The following INTS4 variants were observed in gnomAD, a reference collection of about 807,000 sequenced individuals.
INTS4 encodes the protein MSTP093.
In INTS4, 70 loss-of-function variants were observed where a neutral mutation model predicts 119.5. That is an observed-to-expected ratio of 0.59 (90% CI 0.48 to 0.71). INTS4 has a LOEUF of 0.71. INTS4 is among the 30% of genes least tolerant of loss of function. The pLI is 0.00. For missense variants in INTS4, 867 were observed against 1,173.2 expected (o/e 0.74, Z 3.81); for synonymous variants, 316 against 419.6 (o/e 0.75, Z 3.02).
chr11:77,920,558 A>C (rs1201889459), intron 14 of INTS4, among the ~76,000 whole-genome samples: 1 of 152,084 alleles, frequency 6.6e-6, no homozygotes, highest in Non-Finnish European at 1.5e-5. Context: ...AATAGTTAAA[A>C]TATAACAATT....
At chr11:77,956,504 C>T (rs1350394235) in intron 7 of INTS4, among the ~76,000 whole-genome samples, 8 of 152,054 alleles carry the variant, frequency 5.3e-5, no homozygotes, top group East Asian at 3.9e-4. Context: ...GTCAAGAGTT[C>T]GAGACCAGCC....
Position 77,894,338 on chromosome 11 carries a change from A to G in INTS4, c.2240T>C (p.Leu747Ser). The G allele has an allele frequency of 6.4e-7, 1 of 1,562,680 alleles. No homozygotes were observed. Among genetic ancestry groups the G allele is most frequent in the Non-Finnish European group, 8.8e-7 (1 of 1,139,458 alleles). ...TARTTRGLDP[L>S]FGMCEKFLQE... ...TAAAAATTTTTCACACATCCCAAATAAGGGGTCAAGTCTGTAGAAAAGAAA... is the reference window on the plus strand; with the variant it reads ...TAAAAATTTTTCACACATCCCAAATGAGGGGTCAAGTCTGTAGAAAAGAAA... The change falls in exon 19 of 23, where the codon TTA becomes TCA. Residue 747 changes from leucine to serine, a missense_variant. Around this residue, in one of 5 missense-constraint regions of INTS4, gnomAD observed 262 missense variants for 376.0 expected, o/e 0.70. Transcript: ENST00000534064.
Position 77,891,199 on chromosome 11 carries a change from G to A in INTS4, c.2592+120C>T, listed in dbSNP as rs1326878551. The A allele has an allele frequency of 3.0e-5, 26 of 875,566 alleles. No homozygotes were observed. The South Asian group carries it at 3.6e-4, about 12-fold the overall frequency. 54.2% of individuals were successfully genotyped at this position (875,566 alleles called of 1,614,324 possible). On this transcript the variant is annotated intron_variant, in intron 21 of 22. Transcript: ENST00000534064. ...CAAGCCTAGGTTCTTTCCCACAGAG[G>A]CTCATTTCTTCTCCTGTCCCAGTTT...
At chr11:77,880,515 T>C (rs769665940) in intron 22 of INTS4, among the ~76,000 whole-genome samples, 14 of 152,186 alleles carry the variant, frequency 9.2e-5, no homozygotes, top group Non-Finnish European at 1.5e-4. Flanking sequence ...AAACTAACAC[T>C]GTTCTCTGAT....
intron 4 of INTS4, among the ~76,000 whole-genome samples, chr11:77,966,722 C>T (rs915154373): frequency 2.0e-5 from 3 of 152,150 alleles, no homozygotes; most frequent in African/African-American, 7.2e-5. Context: ...TGTAATGCCT[C>T]TGGCTTTGTT....
At chr11:77,994,446 C>A in intron 1 of INTS4, 144 bp downstream of exon 1, 1 of 667,640 alleles carries the variant, frequency 1.5e-6, no homozygotes, top group Non-Finnish European at 2.7e-6. Flanking sequence ...CTAACACGCC[C>A]ACTAACTTGC....
chr11:77,949,949 A>G (rs1954147914), intron 8 of INTS4, among the ~76,000 whole-genome samples: 1 of 152,234 alleles, frequency 6.6e-6, no homozygotes, highest in South Asian at 2.1e-4. Flanking sequence ...TCACAACAGT[A>G]AAGACTTAGA....
At chr11:77,898,982 T>C (rs894804884) in intron 18 of INTS4, among the ~76,000 whole-genome samples, 1 of 152,214 alleles carries the variant, frequency 6.6e-6, no homozygotes, top group Non-Finnish European at 1.5e-5. Flanking sequence ...ATCGTGCCAC[T>C]GCACTCCAGC....
intron 8 of INTS4, among the ~76,000 whole-genome samples, chr11:77,951,408 G>A (rs887679198): frequency 9.9e-5 from 15 of 152,122 alleles, no homozygotes; most frequent in Non-Finnish European, 1.8e-4. Flanking sequence ...AACAAGAAAT[G>A]GGGAAAGGAT....
intron 15 of INTS4, among the ~76,000 whole-genome samples, chr11:77,912,578 A>T (rs1379689116): frequency 6.6e-6 from 1 of 152,246 alleles, no homozygotes; most frequent in Non-Finnish European, 1.5e-5. Flanking sequence ...AGTCAAAAAG[A>T]TTCTGGATGT....
At chr11:77,979,139 C>T (rs373787178) in intron 3 of INTS4, 37 bp from the exon 4 acceptor site, 344 of 1,203,340 alleles carry the variant, frequency 2.9e-4, no homozygotes, top group Non-Finnish European at 3.9e-4. Flanking sequence ...TGTAGAATTT[C>T]GAAAGGGGTA....
intron 11 of INTS4, among the ~76,000 whole-genome samples, chr11:77,925,481 T>TA (rs1464247218): frequency 1.3e-5 from 2 of 152,074 alleles, no homozygotes; most frequent in African/African-American, 4.8e-5. Flanking sequence ...CTCAATTTAT[T>TA]AAAAAAACAC....
chr11:77,977,524 T>C (rs1330203039), intron 4 of INTS4, among the ~76,000 whole-genome samples: 1 of 151,650 alleles, frequency 6.6e-6, no homozygotes, highest in African/African-American at 2.4e-5. Context: ...AGAAAAAAAA[T>C]GGCAAATGAT....
At chr11:77,977,393 A>G (rs970410884) in intron 4 of INTS4, among the ~76,000 whole-genome samples, 26 of 151,884 alleles carry the variant, frequency 1.7e-4, no homozygotes, top group African/African-American at 6.0e-4. Context: ...GCAAAAAAGG[A>G]GCAAAATTAT....
intron 2 of INTS4, among the ~76,000 whole-genome samples, chr11:77,986,254 G>A (rs1856452337): frequency 6.6e-6 from 1 of 152,154 alleles, no homozygotes; most frequent in Admixed American, 6.5e-5. Flanking sequence ...CACCATCACT[G>A]GTCATCAGAG....
In INTS4 at chr11:77,991,348, T is replaced by C. The variant is rs976078442; in HGVS notation, c.55-49A>G. 3 of 1,432,736 alleles carry C rather than the reference T, an allele frequency of 2.1e-6. No homozygotes were observed. The African/African-American group carries it at 4.2e-5, about 20-fold the overall frequency. 88.8% of individuals were successfully genotyped at this position (1,432,736 alleles called of 1,614,324 possible). ...AAACACAGAATCTGCAAATTTAACT[T>C]TGCCTCATTTGGTGGAAATGATTTT... On this transcript the variant is annotated intron_variant, in intron 1 of 22. Transcript: ENST00000534064.
chr11:77,942,610 C>G (rs543105255), intron 8 of INTS4, among the ~76,000 whole-genome samples: 1 of 152,190 alleles, frequency 6.6e-6, no homozygotes, highest in African/African-American at 2.4e-5. Context: ...GATTAGGCAA[C>G]TTACTCATTT....
intron 21 of INTS4, among the ~76,000 whole-genome samples, chr11:77,890,075 A>G (rs1462498208): frequency 6.6e-6 from 1 of 152,188 alleles, no homozygotes; most frequent in African/African-American, 2.4e-5. Context: ...GCTGACACCT[A>G]TTCATCTGTT....
chr11:77,937,068 G>A (rs1281471094), intron 10 of INTS4, among the ~76,000 whole-genome samples: 4 of 151,900 alleles, frequency 2.6e-5, no homozygotes, highest in Non-Finnish European at 2.9e-5. Flanking sequence ...CCAGCTACTC[G>A]GGAAGCTGAA....
Sources: gnomAD v4.1 joint callset for allele counts (sites outside exome capture counted in the v4.1 genomes callset) on GRCh38, gnomAD v4.1.1 for gene constraint, gnomAD v4.1.1 regional missense constraint, MANE v1.5 for transcripts, NCBI Gene and HGNC (gene_info 2026-07-23, HGNC 2026-07-21) for gene names.